SLC1A3: variants seen among roughly 807,000 people sequenced by gnomAD.
SLC1A3 encodes excitatory amino acid transporter 1.
In SLC1A3, 21 loss-of-function variants were observed where a neutral mutation model predicts 48.1. The ratio of observed to expected loss-of-function variants is 0.44; its 90% confidence interval spans 0.31 to 0.63. The LOEUF is 0.63. Among genes scored for constraint, SLC1A3 ranks in the 20% least tolerant of loss-of-function variants. The pLI, the probability that SLC1A3 is intolerant of heterozygous loss-of-function variation, is 0.08. For synonymous variants in SLC1A3, 239 were observed against 251.4 expected, an observed-to-expected ratio of 0.95 and a Z score of 0.47; for missense variants, 546 against 689.0, an observed-to-expected ratio of 0.79 and a Z score of 2.32.
At chr5:36,659,489 T>C (rs1561270635) in intron 3 of SLC1A3, among the ~76,000 whole-genome samples, 1 of 152,222 alleles carries the variant, frequency 6.6e-6, no homozygotes, top group Admixed American at 6.5e-5. Flanking sequence ...CGTATGTTAA[T>C]TTATTGAATT....
At chr5:36,622,126 T>C (rs1182109250) in intron 2 of SLC1A3, among the ~76,000 whole-genome samples, 3 of 151,958 alleles carry the variant, frequency 2.0e-5, no homozygotes, top group Non-Finnish European at 2.9e-5. Context: ...CAGGCTGAGG[T>C]TTTTCTGGGC....
rs577494591 is a variant in SLC1A3, at chr5:36,608,787, G to T, written c.181+183G>T. 17 of 1,416,056 alleles carry T rather than the reference G, an allele frequency of 1.2e-5. No individual in the cohort carries two copies. The Admixed American group carries it at 2.7e-4, about 22-fold the overall frequency. 87.7% of individuals were successfully genotyped at this position (1,416,056 alleles called of 1,614,324 possible). A position where few individuals can be genotyped will look rare whatever the true frequency, so the allele number is the denominator to read the frequency against. ...TTTGGCTTGTTTGGAGCAATATATA[G>T]TAAACACATCATTAGGCATCATTAG... On this transcript the variant is annotated intron_variant, in intron 2 of 9. Coordinates refer to ENST00000265113, the MANE Select transcript of SLC1A3 (RefSeq NM_004172.5).
intron 3 of SLC1A3, among the ~76,000 whole-genome samples, chr5:36,666,659 C>A (rs1741761347): frequency 6.6e-6 from 1 of 152,170 alleles, no homozygotes; most frequent in South Asian, 2.1e-4. Flanking sequence ...AAAATCCATG[C>A]CAATGATGGA....
chr5:36,597,532 G>A (rs1347509974), intron 1 of SLC1A3, among the ~76,000 whole-genome samples: 1 of 151,962 alleles, frequency 6.6e-6, no homozygotes, highest in Non-Finnish European at 1.5e-5. Context: ...GTGAGCCACC[G>A]CGCCCGGCCC....
At chr5:36,611,280 TA>T (rs11336594) in intron 2 of SLC1A3, among the ~76,000 whole-genome samples, 36,548 of 132,348 alleles carry the variant, frequency 0.28, 5,407 homozygotes, top group Non-Finnish European at 0.35. Context: ...TTGCTTTTAG[TA>T]AAAAAAAAAA....
intron 9 of SLC1A3, among the ~76,000 whole-genome samples, chr5:36,685,132 CAT>C (rs1561287926): frequency 2.0e-5 from 3 of 152,092 alleles, no homozygotes; most frequent in South Asian, 2.1e-4. Context: ...TAATTTATTA[CAT>C]GTTTTATTTA....
intron 2 of SLC1A3, 163 bp downstream of exon 2, chr5:36,608,767 C>T: frequency 6.9e-7 from 1 of 1,446,452 alleles, no homozygotes; most frequent in African/African-American, 1.4e-5. Context: ...ACTGTTTTGG[C>T]TTGTTTGGAG....
At chr5:36,675,587 C>T (rs17511061) in intron 5 of SLC1A3, among the ~76,000 whole-genome samples, 4,247 of 152,258 alleles carry the variant, frequency 0.028, 72 homozygotes, top group Middle Eastern at 0.044. Flanking sequence ...CAAACAGAGT[C>T]TAAGGGGAAT....
chr5:36,602,722 T>G (rs2731879), upstream of SLC1A3, among the ~76,000 whole-genome samples: 38,300 of 152,118 alleles, frequency 0.25, 6,901 homozygotes, highest in African/African-American at 0.51. Flanking sequence ...GGGAATCTAT[T>G]TGGGGGGGTT....
chr5:36,643,709 C>T lies in SLC1A3; in HGVS notation c.319+14122C>T, dbSNP rs112031486. The stretch of plus-strand genomic sequence containing the variant: ...CTGAAGTGCTTCTTACAAAGGGTAA[C>T]GTGGGCCAGGCACGGTGGCTCACAC... On this transcript the variant is annotated intron_variant, in intron 3 of 9. Transcript: ENST00000265113. Among the ~76,000 whole-genome samples the T allele has an allele frequency of 4.0e-3, 607 of 152,146 alleles. 19 individuals are homozygous for T. In the East Asian group the frequency reaches 0.059, roughly 15 times the overall value.
At chr5:36,651,111 T>TATATCTAGATATAAG (rs1265891334) in intron 3 of SLC1A3, among the ~76,000 whole-genome samples, 2 of 131,314 alleles carry the variant, frequency 1.5e-5, no homozygotes, top group Non-Finnish European at 3.1e-5. Flanking sequence ...CTAGATGTGA[T>TATATCTAGATATAAG]ATATAAGAGT....
At chr5:36,662,180 T>C (rs913401621) in intron 3 of SLC1A3, among the ~76,000 whole-genome samples, 2 of 152,124 alleles carry the variant, frequency 1.3e-5, no homozygotes, top group African/African-American at 2.4e-5. Context: ...TCACCTACTT[T>C]TCCCGCCACC....
chr5:36,629,605 T>A lies in SLC1A3; in HGVS notation c.319+18T>A, dbSNP rs199840737. The A allele has an allele frequency of 2.1e-4, 331 of 1,609,998 alleles. 1 individual carries two copies. The African/African-American group carries it at 3.8e-3, about 19-fold the overall frequency. Reference sequence around the variant, plus strand: ...TGTCACAGGTACCATAAGCAGTTGTTGGTTTGTTTGGTTTTTTTTAAGTGT... The same window carrying A: ...TGTCACAGGTACCATAAGCAGTTGTAGGTTTGTTTGGTTTTTTTTAAGTGT... On this transcript the variant is annotated intron_variant, in intron 3 of 9. Coordinates refer to ENST00000265113, the MANE Select transcript of SLC1A3 (RefSeq NM_004172.5).
chr5:36,660,760 A>G (rs188237484), intron 3 of SLC1A3, among the ~76,000 whole-genome samples: 384 of 152,368 alleles, frequency 2.5e-3, no homozygotes, highest in Non-Finnish European at 4.4e-3. Context: ...ATTCTTTTAG[A>G]TAAAACAACC....
In SLC1A3 at chr5:36,629,361, C is replaced by A. The variant is rs903986933; in HGVS notation, c.182-89C>A. On this transcript the variant is annotated intron_variant, in intron 2 of 9. Transcript: ENST00000265113. Reference sequence around the variant, plus strand: ...CTGCTTAAATAAATACAACCACCAGCCAAATACTTACTCATTTTGCTAGGG... The same window carrying A: ...CTGCTTAAATAAATACAACCACCAGACAAATACTTACTCATTTTGCTAGGG... 2.3e-5 allele frequency: 26 copies of A among 1,146,778 alleles called. No individual in the cohort carries two copies. The South Asian group carries it at 3.2e-4, about 14-fold the overall frequency. 71.0% of individuals were successfully genotyped at this position (1,146,778 alleles called of 1,614,324 possible).
At chr5:36,673,564 G>T (rs1309833006) in intron 4 of SLC1A3, among the ~76,000 whole-genome samples, 1 of 152,202 alleles carries the variant, frequency 6.6e-6, no homozygotes, top group Non-Finnish European at 1.5e-5. Context: ...TAGCAATTCA[G>T]TGCCAAAACC....
intron 3 of SLC1A3, among the ~76,000 whole-genome samples, chr5:36,637,425 T>C (rs1740440071): frequency 6.6e-6 from 1 of 152,228 alleles, no homozygotes; most frequent in African/African-American, 2.4e-5. Flanking sequence ...CTTGAGCCTG[T>C]GTGAGTTAGA....
intron 4 of SLC1A3, among the ~76,000 whole-genome samples, chr5:36,673,458 A>C (rs1356878206): frequency 1.3e-5 from 2 of 152,200 alleles, no homozygotes; most frequent in African/African-American, 4.8e-5. Context: ...TGCTTTGACA[A>C]AGTCTCTGAA....
chr5:36,676,842 GA>G (rs771080487), intron 5 of SLC1A3, 49 bp from the exon 6 acceptor site: 112 of 1,426,060 alleles, frequency 7.9e-5, no homozygotes, highest in Non-Finnish European at 9.9e-5. Flanking sequence ...AAAATATAAA[GA>G]AAAAAATAAA....
Sources: gnomAD v4.1 joint callset for allele counts (sites outside exome capture counted in the v4.1 genomes callset) on GRCh38, gnomAD v4.1.1 for gene constraint, MANE v1.5 for transcripts, NCBI Gene and HGNC (gene_info 2026-07-23, HGNC 2026-07-21) for gene names.